The following MALRD1 variants were observed in gnomAD, a reference collection of about 807,000 sequenced individuals.
MALRD1 encodes the protein MAM and LDL-receptor class A domain-containing protein 1.
In MALRD1, 247 loss-of-function variants were observed where a neutral mutation model predicts 242.1. The observed-to-expected ratio is 1.02, with a 90% confidence interval of 0.92 to 1.13. MALRD1 has a LOEUF of 1.13. MALRD1 is among the 50% of genes most tolerant of loss of function. The pLI is 0.00. For synonymous variants in MALRD1, 995 were observed against 866.6 expected, an observed-to-expected ratio of 1.15 and a Z score of -2.60; for missense variants, 2,989 against 2,533.1, an observed-to-expected ratio of 1.18 and a Z score of -3.86.
chr10:19,726,634 A>T lies in MALRD1; in HGVS notation c.6315-4072A>T, dbSNP rs77766416. ...AGAATCAAAATAGAGACTTAAACAGATATTCATGCAGCAATGTTCCCCATA... is the reference window on the plus strand; with the variant it reads ...AGAATCAAAATAGAGACTTAAACAGTTATTCATGCAGCAATGTTCCCCATA... On this transcript the variant is annotated intron_variant, in intron 38 of 39. Transcript: ENST00000454679. 2.4e-3 allele frequency among the ~76,000 whole-genome samples: 361 copies of T among 152,308 alleles called. 10 individuals carry two copies. The East Asian group carries it at 0.051, about 22-fold the overall frequency.
intron 25 of MALRD1, among the ~76,000 whole-genome samples, chr10:19,349,071 C>T (rs1220916055): frequency 6.6e-6 from 1 of 152,154 alleles, no homozygotes; most frequent in Non-Finnish European, 1.5e-5. Context: ...AAGTGGTTCT[C>T]CTGCCTCAGA....
intron 29 of MALRD1, among the ~76,000 whole-genome samples, chr10:19,458,511 T>A (rs1051259141): frequency 6.6e-6 from 1 of 152,180 alleles, no homozygotes; most frequent in African/African-American, 2.4e-5. Context: ...AATGGTGACA[T>A]CTTTGTCATT....
chr10:19,400,075 G>A (rs980388443), intron 28 of MALRD1, among the ~76,000 whole-genome samples: 1 of 152,072 alleles, frequency 6.6e-6, no homozygotes, highest in Non-Finnish European at 1.5e-5. Flanking sequence ...CATTCATTGC[G>A]ATTTAAACAT....
At chr10:19,139,887 T>A (rs750021019) in intron 10 of MALRD1, among the ~76,000 whole-genome samples, 29 of 151,996 alleles carry the variant, frequency 1.9e-4, no homozygotes, top group Non-Finnish European at 3.5e-4. Context: ...AGAACCACTG[T>A]ACCAAAGAGG....
chr10:19,099,343 A>G (rs765069681), intron 4 of MALRD1, among the ~76,000 whole-genome samples: 3 of 152,200 alleles, frequency 2.0e-5, no homozygotes, highest in South Asian at 2.1e-4. Context: ...TCCTGTATCA[A>G]TGCCATCCAG....
chr10:19,250,415 AAT>A (rs945295490), intron 18 of MALRD1, among the ~76,000 whole-genome samples: 1 of 151,974 alleles, frequency 6.6e-6, no homozygotes, highest in Non-Finnish European at 1.5e-5. Flanking sequence ...TCATTCACAT[AAT>A]ATATGAGATG....
chr10:19,370,841 T>G (rs1845339550), intron 26 of MALRD1, among the ~76,000 whole-genome samples: 1 of 152,168 alleles, frequency 6.6e-6, no homozygotes, highest in African/African-American at 2.4e-5. Context: ...CCTCCCAAAG[T>G]GCTGGGATAA....
At chr10:19,272,137 G>C (rs763081142) in intron 19 of MALRD1, among the ~76,000 whole-genome samples, 1 of 151,800 alleles carries the variant, frequency 6.6e-6, no homozygotes, top group Non-Finnish European at 1.5e-5. Flanking sequence ...CTAAAGTAAA[G>C]ACTTAAATGT....
intron 32 of MALRD1, among the ~76,000 whole-genome samples, chr10:19,552,607 C>T (rs529377074): frequency 4.6e-5 from 7 of 151,970 alleles, no homozygotes; most frequent in African/African-American, 1.7e-4. Flanking sequence ...AAGAACACTA[C>T]TATCTCTCAC....
At chr10:19,544,999 G>A (rs988301928) in intron 32 of MALRD1, among the ~76,000 whole-genome samples, 3 of 152,120 alleles carry the variant, frequency 2.0e-5, no homozygotes, top group Admixed American at 2.0e-4. Context: ...TGACTGGGTG[G>A]CTTCAACAAT....
chr10:19,389,726 A>C (rs2130815226), intron 28 of MALRD1, 117 bp downstream of exon 28: 1 of 1,127,176 alleles, frequency 8.9e-7, no homozygotes, highest in Middle Eastern at 3.0e-4. Flanking sequence ...TGCAGCCTCC[A>C]ACTCCTGGAC....
chr10:19,083,000 T>A (rs973197274), intron 2 of MALRD1, among the ~76,000 whole-genome samples: 1 of 152,046 alleles, frequency 6.6e-6, no homozygotes, highest in African/African-American at 2.4e-5. Flanking sequence ...ACTATCCTGC[T>A]GTGTTCTCAC....
At chr10:19,380,588 TTA>T (rs1454475759) in intron 26 of MALRD1, among the ~76,000 whole-genome samples, 2 of 152,092 alleles carry the variant, frequency 1.3e-5, no homozygotes, top group Admixed American at 6.6e-5. Flanking sequence ...TCTTACATTT[TTA>T]TATAGTCTTT....
At chr10:19,646,623 TAA>T (rs1336193124) in intron 36 of MALRD1, among the ~76,000 whole-genome samples, 1 of 151,056 alleles carries the variant, frequency 6.6e-6, no homozygotes, top group Non-Finnish European at 1.5e-5. Flanking sequence ...AAAAAAATAA[TAA>T]GTTTAAAGTA....
At chr10:19,433,046 C>A (rs899795873) in intron 28 of MALRD1, among the ~76,000 whole-genome samples, 3 of 152,194 alleles carry the variant, frequency 2.0e-5, no homozygotes, top group Non-Finnish European at 4.4e-5. Flanking sequence ...ATTTATTGAA[C>A]ACTTACTATG....
intron 13 of MALRD1, among the ~76,000 whole-genome samples, chr10:19,169,689 A>G (rs1834840189): frequency 6.6e-6 from 1 of 152,228 alleles, no homozygotes; most frequent in South Asian, 2.1e-4. Flanking sequence ...AGCTAGGTAC[A>G]GTTCTACTTT....
intron 1 of MALRD1, chr10:19,051,356 A>G (rs757471227): frequency 1.3e-5 from 2 of 152,230 alleles, no homozygotes; most frequent in Non-Finnish European, 2.9e-5. Context: ...TAATGTGTCA[A>G]CTTTTCTGAA....
At chr10:19,186,832 C>T (rs1247252016) in intron 14 of MALRD1, among the ~76,000 whole-genome samples, 2 of 152,098 alleles carry the variant, frequency 1.3e-5, no homozygotes, top group Non-Finnish European at 2.9e-5. Context: ...TTCTCACATG[C>T]CACTACTCTT....
At chr10:19,166,118 G>T (rs1170884491) in intron 13 of MALRD1, among the ~76,000 whole-genome samples, 1 of 152,152 alleles carries the variant, frequency 6.6e-6, no homozygotes, top group Non-Finnish European at 1.5e-5. Flanking sequence ...CAAAAATGGA[G>T]ATAAGAAATG....
Sources: gnomAD v4.1 joint callset for allele counts (sites outside exome capture counted in the v4.1 genomes callset) on GRCh38, gnomAD v4.1.1 for gene constraint, MANE v1.5 for transcripts, NCBI Gene and HGNC (gene_info 2026-07-23, HGNC 2026-07-21) for gene names.